PTGER3: variants seen among roughly 807,000 people sequenced by gnomAD.
PTGER3 encodes prostaglandin E receptor 3, also known as prostaglandin E2 receptor EP3 subtype.
Under a neutral mutation model 34.7 loss-of-function variants are expected in PTGER3, and 22 were observed. That is an observed-to-expected ratio of 0.63 (90% confidence interval 0.45 to 0.91). PTGER3 has a LOEUF of 0.91. PTGER3 is among the 40% of genes least tolerant of loss of function. The pLI, the probability that PTGER3 is intolerant of heterozygous loss-of-function variation, is 0.00. For synonymous variants in PTGER3, 241 were observed against 230.1 expected (o/e 1.05, Z -0.43); for missense variants, 468 against 519.4 (o/e 0.90, Z 0.96).
At position 71,012,349 on chromosome 1, in the gene PTGER3, C is replaced by T. The variant is rs1395647928; in HGVS notation, c.1033G>A (p.Val345Ile). ...ASLNQILDPW[V>I]YLLLRKILLR... is the part of the protein sequence containing the mutation. ...AGGATCTTTCTTAACAGCAGGTAAA[C>T]CCAAGGATCCAAGATCTGGTTCAGT... Residue 345 changes from valine (V) to isoleucine (I), a missense_variant, in exon 2 of 4, where the codon GTT becomes ATT. This residue lies in a region of PTGER3 where 3 missense variants were observed against 17.5 expected (regional missense o/e 0.17). Coordinates refer to ENST00000306666, the MANE Select transcript of PTGER3 (RefSeq NM_198719.2). The T allele has an allele frequency of 3.1e-6, 5 of 1,614,026 alleles. No individual in the cohort carries two copies. The highest frequency in any genetic ancestry group is 4.2e-6 in the Non-Finnish European group (5 of 1,180,040).
chr1:71,042,820 A>G (rs901345782), intron 1 of PTGER3, among the ~76,000 whole-genome samples: 1 of 152,308 alleles, frequency 6.6e-6, no homozygotes, highest in African/African-American at 2.4e-5. Flanking sequence ...TATCTTCTTG[A>G]ACTGAAACAT....
In PTGER3 at chr1:70,894,126, G is replaced by A. The variant is rs376904248; in HGVS notation, c.*24-41267C>T. 4.6e-5 allele frequency among the ~76,000 whole-genome samples: 7 copies of A among 151,990 alleles called. No homozygotes were observed. The East Asian group carries it at 7.7e-4, about 17-fold the overall frequency. On this transcript the variant is annotated intron_variant, in intron 4 of 4. Coordinates refer to the PTGER3 transcript ENST00000370931. ...ATTTCTAGACCAGCCTGGCCAACGTGGTGAAACTACATCTCTACTAAAAAT... is the reference window on the plus strand; with the variant it reads ...ATTTCTAGACCAGCCTGGCCAACGTAGTGAAACTACATCTCTACTAAAAAT...
intron 2 of PTGER3, among the ~76,000 whole-genome samples, chr1:70,993,344 G>A (rs538009134): frequency 1.8e-4 from 28 of 152,304 alleles, no homozygotes; most frequent in African/African-American, 6.7e-4. Context: ...GTGTATACAT[G>A]GGACATGGGT....
At chr1:70,927,300 C>A (rs1648195480) in intron 4 of PTGER3, among the ~76,000 whole-genome samples, 1 of 152,148 alleles carries the variant, frequency 6.6e-6, no homozygotes, top group South Asian at 2.1e-4. Context: ...GGCTGTGAAT[C>A]CATCTGGTCC....
chr1:70,877,374 A>C (rs1339164564), intron 4 of PTGER3, among the ~76,000 whole-genome samples: 1 of 152,154 alleles, frequency 6.6e-6, no homozygotes, highest in Non-Finnish European at 1.5e-5. Context: ...GGGTTTTTTC[A>C]GGTATAGAAT....
chr1:70,890,053 G>A (rs1403367443), intron 4 of PTGER3, among the ~76,000 whole-genome samples: 1 of 152,034 alleles, frequency 6.6e-6, no homozygotes, highest in African/African-American at 2.4e-5. Flanking sequence ...TTTCCATGTT[G>A]TACCACTTCA....
At chr1:70,900,924 T>A (rs868829694) in intron 4 of PTGER3, among the ~76,000 whole-genome samples, 1 of 151,720 alleles carries the variant, frequency 6.6e-6, no homozygotes, top group Non-Finnish European at 1.5e-5. Flanking sequence ...GTATGTATGA[T>A]GGACCAGTAG....
At chr1:70,858,904 G>GT (rs1486992703) in intron 4 of PTGER3, among the ~76,000 whole-genome samples, 1 of 152,208 alleles carries the variant, frequency 6.6e-6, no homozygotes, top group African/African-American at 2.4e-5. Context: ...GTTCACTAAG[G>GT]TTTTATGGAA....
chr1:70,984,172 A>C (rs1654673087), intron 2 of PTGER3, among the ~76,000 whole-genome samples: 1 of 152,084 alleles, frequency 6.6e-6, no homozygotes, highest in Non-Finnish European at 1.5e-5. Context: ...GGATTACCTG[A>C]GGTCAGGGGT....
intron 4 of PTGER3, among the ~76,000 whole-genome samples, chr1:70,858,045 A>T (rs1645847622): frequency 6.6e-6 from 1 of 152,192 alleles, no homozygotes; most frequent in South Asian, 2.1e-4. Flanking sequence ...AATACAGTGA[A>T]TGTCTCAAGA....
chr1:71,024,483 G>A (rs1314295829), intron 1 of PTGER3, among the ~76,000 whole-genome samples: 1 of 151,838 alleles, frequency 6.6e-6, no homozygotes, highest in Non-Finnish European at 1.5e-5. Flanking sequence ...CTATATTCTA[G>A]GTATATCACA....
chr1:70,927,893 C>A lies in PTGER3; in HGVS notation c.*23+25870G>T, dbSNP rs923539579. Among the ~76,000 whole-genome samples the A allele has an allele frequency of 2.6e-5, 4 of 152,086 alleles. No homozygotes were observed. The East Asian group carries it at 7.7e-4, about 29-fold the overall frequency. ...AAAACCCAAACCTCTAAACCAAGTG[C>A]CTTAGCTTCTTGTATTTACCCTATA... On this transcript the variant is annotated intron_variant, in intron 4 of 4. Transcript: ENST00000370931.
chr1:70,938,437 T>C (rs1199065296), intron 4 of PTGER3, among the ~76,000 whole-genome samples: 2 of 152,178 alleles, frequency 1.3e-5, no homozygotes, highest in Non-Finnish European at 2.9e-5. Flanking sequence ...TCAATGATAA[T>C]GCTGTGTCTT....
intron 4 of PTGER3, chr1:70,862,262 AT>A (rs1313727255): frequency 4.4e-6 from 5 of 1,129,370 alleles, no homozygotes; most frequent in Non-Finnish European, 4.7e-6. Context: ...GTAAAAAAAA[AT>A]ATTAATAGTA....
chr1:70,965,436 G>A (rs1053562036), intron 2 of PTGER3, among the ~76,000 whole-genome samples: 3 of 152,098 alleles, frequency 2.0e-5, no homozygotes, highest in African/African-American at 7.2e-5. Flanking sequence ...CAAAGACGGA[G>A]GGGCAGAATT....
chr1:70,863,888 A>G (rs750402232), intron 4 of PTGER3, among the ~76,000 whole-genome samples: 8 of 152,170 alleles, frequency 5.3e-5, no homozygotes, highest in East Asian at 1.9e-4. Context: ...ACTGAAACCC[A>G]TATTATATTG....
At chr1:70,994,033 G>A (rs931907894) in intron 2 of PTGER3, among the ~76,000 whole-genome samples, 11 of 152,226 alleles carry the variant, frequency 7.2e-5, no homozygotes, top group Admixed American at 6.5e-4. Flanking sequence ...CAAGGATGTG[G>A]GTTTAGACCC....
chr1:70,946,366 G>A (rs1266498475), intron 4 of PTGER3, among the ~76,000 whole-genome samples: 2 of 152,064 alleles, frequency 1.3e-5, no homozygotes, highest in Non-Finnish European at 2.9e-5. Context: ...ACAGAGTTAA[G>A]CAAATTTCCC....
intron 4 of PTGER3, among the ~76,000 whole-genome samples, chr1:70,887,070 A>G (rs1013770768): frequency 1.2e-4 from 19 of 152,346 alleles, no homozygotes; most frequent in African/African-American, 3.6e-4. Context: ...AGAGAAGTCT[A>G]TAATTTTTCC....
Sources: gnomAD v4.1 joint callset for allele counts (sites outside exome capture counted in the v4.1 genomes callset) on GRCh38, gnomAD v4.1.1 for gene constraint, gnomAD v4.1.1 regional missense constraint, MANE v1.5 for transcripts, NCBI Gene and HGNC (gene_info 2026-07-23, HGNC 2026-07-21) for gene names.